Variants in AKNAD1 observed in about 807,000 individuals in gnomAD.
The protein encoded by AKNAD1 is protein AKNAD1.
AKNAD1 carries 67 observed loss-of-function variants against 90.8 expected under a neutral mutation model. The observed-to-expected ratio is 0.74, with a 90% CI of 0.61 to 0.90. AKNAD1 has a LOEUF of 0.90. Ranked by LOEUF, AKNAD1 falls within the 40% of genes least tolerant of loss-of-function variation. The pLI is 0.00. For missense variants in AKNAD1, 957 were observed against 975.4 expected, an observed-to-expected ratio of 0.98 and a Z score of 0.25; for synonymous variants, 327 against 341.4, an observed-to-expected ratio of 0.96 and a Z score of 0.46.
intron 13 of AKNAD1, among the ~76,000 whole-genome samples, chr1:108,821,365 C>A (rs10857962): frequency 0.4 from 60,982 of 151,830 alleles, 12,963 homozygotes; most frequent in Middle Eastern, 0.49. Context: ...GCATGAGAGT[C>A]ATTTGAACCC....
chr1:108,841,447 T>C (rs1163061518), intron 6 of AKNAD1, among the ~76,000 whole-genome samples: 4 of 152,212 alleles, frequency 2.6e-5, no homozygotes, highest in African/African-American at 9.6e-5. Flanking sequence ...ACCCCATTTC[T>C]TGAATTCTTG....
At chr1:108,853,314 G>T (rs981451285) in intron 1 of AKNAD1, among the ~76,000 whole-genome samples, 3 of 151,898 alleles carry the variant, frequency 2.0e-5, no homozygotes, top group South Asian at 2.1e-4. Context: ...TGTATTTTTA[G>T]TAGAGATGGG....
Position 108,834,535 on chromosome 1 carries a change from T to TAA in AKNAD1, c.1665-9_1665-8dup, listed in dbSNP as rs5776950. Reference sequence around the variant, plus strand: ...ATAATGACCGTTTAGGTAACTAATTTAAAAAAAAAAAAAGCAGTTTGAATG... The same window carrying TAA: ...ATAATGACCGTTTAGGTAACTAATTTAAAAAAAAAAAAAAAGCAGTTTGAATG... On this transcript the variant is annotated splice_region_variant and splice_polypyrimidine_tract_variant and intron_variant, in intron 8 of 15. Coordinates refer to ENST00000370001, the MANE Select transcript of AKNAD1 (RefSeq NM_152763.5). The TAA allele has an allele frequency of 5.2e-4, 687 of 1,312,648 alleles. No individual in the cohort carries two copies. The highest frequency in any genetic ancestry group is 1.3e-3 in the Middle Eastern group (7 of 5,338). The allele number at this position is 1,312,648 out of a possible 1,614,324, so 81.3% of individuals were successfully genotyped here. A position where few individuals can be genotyped will look rare whatever the true frequency, so the allele number is the denominator to read the frequency against.
At chr1:108,837,845 C>T in intron 6 of AKNAD1, 139 bp from the exon 7 acceptor site, 3 of 918,326 alleles carry the variant, frequency 3.3e-6, no homozygotes, top group Non-Finnish European at 5.0e-6. Context: ...TGGGAGCCCG[C>T]ATGACTGTTC....
In AKNAD1 at chr1:108,846,183, G is replaced by A. The variant is rs74418002; in HGVS notation, c.1245+2569C>T. 2.6e-5 allele frequency among the ~76,000 whole-genome samples: 4 copies of A among 152,244 alleles called. No individual in the cohort carries two copies. In the East Asian group the frequency reaches 7.7e-4, roughly 29 times the overall value. On this transcript the variant is annotated intron_variant, in intron 5 of 15. Transcript: ENST00000370001. Reference sequence around the variant, plus strand: ...TAGTGCTGCTCAGGCTGAGGCGGTTGCTTGTAGCCCTGTCTGGCTTTTTTC... The same window carrying A: ...TAGTGCTGCTCAGGCTGAGGCGGTTACTTGTAGCCCTGTCTGGCTTTTTTC...
intron 9 of AKNAD1, among the ~76,000 whole-genome samples, chr1:108,832,040 T>G (rs1664215126): frequency 6.6e-6 from 1 of 152,140 alleles, no homozygotes; most frequent in Non-Finnish European, 1.5e-5. Context: ...ATGTGCCAGG[T>G]GCTTCCCTTA....
At chr1:108,840,378 C>T (rs1434983669) in intron 6 of AKNAD1, among the ~76,000 whole-genome samples, 1 of 152,000 alleles carries the variant, frequency 6.6e-6, no homozygotes, top group Non-Finnish European at 1.5e-5. Flanking sequence ...ATAAACCTAA[C>T]AAAAAAATGT....
In AKNAD1 at chr1:108,852,330, A is replaced by G. The variant is rs1664892986; in HGVS notation, c.335T>C (p.Ile112Thr). ...GDASKSSISDILLHHLSKEPF... is the reference protein window; with the variant it reads ...GDASKSSISDTLLHHLSKEPF... ...CTCTTTGGAAAGATGATGAAGTAAA[A>G]TATCAGAAATGCTTGACTTAGAAGC... The change falls in exon 2 of 16, where the codon ATT becomes ACT. Residue 112 changes from isoleucine (I) to threonine (T), a missense_variant. Transcript: ENST00000370001. 11 of 1,614,148 alleles carry G rather than the reference A, an allele frequency of 6.8e-6. No individual in the cohort carries two copies. In the East Asian group the frequency reaches 1.8e-4, roughly 26 times the overall value.
chr1:108,830,650 C>G lies in AKNAD1; in HGVS notation c.1747G>C (p.Glu583Gln). 1 of 1,614,102 alleles carries G rather than the reference C, an allele frequency of 6.2e-7. No homozygotes were observed. The stretch of plus-strand genomic sequence containing the variant: ...CTTCTTGGAGTGCCGTTGGGATCCT[C>G]CTGCGCCACAAAGCACACAGATGGA... ...VAMRLSSNSG[E>Q]DPNGTPRRQD... Residue 583 changes from glutamate (E) to glutamine (Q), a missense_variant and splice_region_variant, in exon 10 of 16, where the codon GAG (glutamate) becomes CAG (glutamine). By Grantham distance (29) the Glu-to-Gln change is conservative (BLOSUM62 2). Coordinates refer to ENST00000370001, the MANE Select transcript of AKNAD1 (RefSeq NM_152763.5).
chr1:108,823,112 C>G, intron 13 of AKNAD1: 1 of 677,970 alleles, frequency 1.5e-6, no homozygotes, highest in Non-Finnish European at 2.7e-6. Flanking sequence ...TTGCTACCAA[C>G]TTGCACTGGT....
chr1:108,833,148 G>A (rs991248135), intron 9 of AKNAD1, among the ~76,000 whole-genome samples: 15 of 147,112 alleles, frequency 1.0e-4, no homozygotes, highest in Admixed American at 8.0e-4. Flanking sequence ...AAAATGAAGC[G>A]ATAGTTTATT....
intron 5 of AKNAD1, among the ~76,000 whole-genome samples, chr1:108,844,172 GACCAA>G (rs1391280077): frequency 2.6e-5 from 4 of 152,194 alleles, no homozygotes; most frequent in African/African-American, 9.6e-5. Flanking sequence ...AGACCGGCCT[GACCAA>G]CATGGTGAAA....
At chr1:108,824,707 TTTG>T (rs1232360221) in intron 11 of AKNAD1, among the ~76,000 whole-genome samples, 1 of 151,554 alleles carries the variant, frequency 6.6e-6, no homozygotes, top group Non-Finnish European at 1.5e-5. Flanking sequence ...CTGTGTTTTT[TTTG>T]TTTTGTTTTG....
At chr1:108,823,534 C>A (rs767500612) in intron 12 of AKNAD1, 32 bp downstream of exon 12, 1 of 1,610,776 alleles carries the variant, frequency 6.2e-7, no homozygotes, top group Non-Finnish European at 8.5e-7. Context: ...ACTGTCCCCA[C>A]TCGCCTTTCT....
chr1:108,820,883 CA>C (rs1011157767), intron 13 of AKNAD1, among the ~76,000 whole-genome samples: 22 of 148,280 alleles, frequency 1.5e-4, no homozygotes, highest in African/African-American at 3.0e-4. Context: ...CCTGTCTCTA[CA>C]AAAAAAAAAT....
intron 7 of AKNAD1, 95 bp from the exon 8 acceptor site, chr1:108,835,151 A>G: frequency 7.1e-7 from 1 of 1,409,210 alleles, no homozygotes; most frequent in Non-Finnish European, 9.4e-7. Context: ...CCCCTAAGGC[A>G]CCATAACATC....
At chr1:108,833,311 AGTGGCTCATGCCT>A (rs1664265830) in intron 9 of AKNAD1, among the ~76,000 whole-genome samples, 1 of 152,202 alleles carries the variant, frequency 6.6e-6, no homozygotes, top group Non-Finnish European at 1.5e-5. Flanking sequence ...GGCCAGGCGC[AGTGGCTCATGCCT>A]GTAATCCCAG....
intron 6 of AKNAD1, 89 bp from the exon 7 acceptor site, chr1:108,837,795 T>C: frequency 7.3e-7 from 1 of 1,378,308 alleles, no homozygotes; most frequent in Non-Finnish European, 1.0e-6. Context: ...AGCATTGATT[T>C]ATATTATTAA....
At chr1:108,844,840 A>G (rs1020519956) in intron 5 of AKNAD1, among the ~76,000 whole-genome samples, 3 of 150,420 alleles carry the variant, frequency 2.0e-5, no homozygotes, top group African/African-American at 7.4e-5. Flanking sequence ...TTAATTTAAG[A>G]CAGTCACTCG....
Sources: gnomAD v4.1 joint callset for allele counts (sites outside exome capture counted in the v4.1 genomes callset) on GRCh38, gnomAD v4.1.1 for gene constraint, MANE v1.5 for transcripts, NCBI Gene and HGNC (gene_info 2026-07-23, HGNC 2026-07-21) for gene names.